Variants in ANKRD27 observed in about 807,000 individuals in gnomAD.
ANKRD27 encodes the protein ankyrin repeat domain-containing protein 27.
ANKRD27 carries 112 observed loss-of-function variants against 129.7 expected under a neutral mutation model. That is an observed-to-expected ratio of 0.86 (90% CI 0.74 to 1.01). The LOEUF (loss-of-function observed/expected upper bound fraction) is 1.01. Ranked by LOEUF, ANKRD27 falls within the 50% of genes least tolerant of loss-of-function variation. The pLI, the probability that ANKRD27 is intolerant of heterozygous loss-of-function variation, is 0.00. For synonymous variants in ANKRD27, 516 were observed against 511.2 expected (o/e 1.01, Z -0.13); for missense variants, 1,258 against 1,300.5 (o/e 0.97, Z 0.50).
intron 17 of ANKRD27, among the ~76,000 whole-genome samples, chr19:32,625,369 G>A (rs974374654): frequency 6.6e-6 from 1 of 152,042 alleles, no homozygotes; most frequent in Non-Finnish European, 1.5e-5. Flanking sequence ...TTCAGGATAA[G>A]ATAATGAGTG....
chr19:32,608,340 TG>T, intron 22 of ANKRD27: 1 of 295,098 alleles, frequency 3.4e-6, no homozygotes, highest in Non-Finnish European at 6.8e-6. Flanking sequence ...TCACCAGGGC[TG>T]TAGAGCCTCC....
At chr19:32,656,018 A>C (rs1349464892) in intron 2 of ANKRD27, among the ~76,000 whole-genome samples, 2 of 141,364 alleles carry the variant, frequency 1.4e-5, no homozygotes, top group Non-Finnish European at 3.0e-5. Flanking sequence ...ACTCTGTTTC[A>C]AAAAAAAAAG....
Position 32,617,523 on chromosome 19 carries a change from G to C in ANKRD27, c.2052+66C>G, listed in dbSNP as rs1378331809. The C allele has an allele frequency of 5.8e-6, 4 of 689,904 alleles. No homozygotes were observed. In the Admixed American group the frequency reaches 9.0e-5, roughly 15 times the overall value. 42.7% of individuals were successfully genotyped at this position (689,904 alleles called of 1,614,324 possible). A position where few individuals can be genotyped will look rare whatever the true frequency, so the allele number is the denominator to read the frequency against. On this transcript the variant is annotated intron_variant, in intron 21 of 28. Transcript: ENST00000306065. ...GATCACGCCACTGCACTCCAGCCTG[G>C]GTGACAGAACAAGACCCTGTCTCTA...
At chr19:32,647,456 T>C (rs1463183506) in intron 3 of ANKRD27, among the ~76,000 whole-genome samples, 1 of 152,246 alleles carries the variant, frequency 6.6e-6, no homozygotes. Context: ...AGGTAGGTTC[T>C]GAGAGGGGGA....
intron 2 of ANKRD27, among the ~76,000 whole-genome samples, chr19:32,656,706 G>A (rs1353724127): frequency 6.6e-6 from 1 of 151,474 alleles, no homozygotes; most frequent in Non-Finnish European, 1.5e-5. Context: ...GACTGCTTGA[G>A]TCTAGAGGTT....
intron 25 of ANKRD27, among the ~76,000 whole-genome samples, chr19:32,603,163 T>C (rs1002780002): frequency 2.0e-5 from 3 of 151,932 alleles, no homozygotes; most frequent in African/African-American, 7.3e-5. Flanking sequence ...CCAGGTGTGG[T>C]GCCACGTGCC....
chr19:32,620,095 C>T (rs891253769), intron 18 of ANKRD27, among the ~76,000 whole-genome samples: 1 of 152,126 alleles, frequency 6.6e-6, no homozygotes, highest in Non-Finnish European at 1.5e-5. Flanking sequence ...TGGCACTGCT[C>T]AGCCCAGTCA....
chr19:32,646,351 G>A (rs555439937), intron 4 of ANKRD27, 108 bp downstream of exon 4: 59 of 1,154,432 alleles, frequency 5.1e-5, no homozygotes, highest in Non-Finnish European at 5.0e-5. Flanking sequence ...TTACAGGCGC[G>A]AGCCACCATA....
chr19:32,615,621 C>G (rs184863610), intron 22 of ANKRD27, 37 bp downstream of exon 22: 1 of 1,614,052 alleles, frequency 6.2e-7, no homozygotes, highest in South Asian at 1.1e-5. Flanking sequence ...AAATTGCCTA[C>G]ATTCCCTGAC....
At position 32,659,052 on chromosome 19, in the gene ANKRD27, T is replaced by C. The variant is rs778535051; in HGVS notation, c.-30-7A>G. On this transcript the variant is annotated splice_polypyrimidine_tract_variant and splice_region_variant and intron_variant, in intron 1 of 28. Coordinates refer to ENST00000306065, the MANE Select transcript of ANKRD27 (RefSeq NM_032139.3). ...ATGGGTCAGAGCAAATCTCCTGCAATAAGGGAGGGAAAAGCAGTGAATAGC... is the reference window on the plus strand; with the variant it reads ...ATGGGTCAGAGCAAATCTCCTGCAACAAGGGAGGGAAAAGCAGTGAATAGC... 11 of 1,486,526 alleles carry C rather than the reference T, an allele frequency of 7.4e-6. No homozygotes were observed. In the East Asian group the frequency reaches 1.6e-4, roughly 21 times the overall value. 92.1% of individuals were successfully genotyped at this position (1,486,526 alleles called of 1,614,324 possible).
intron 27 of ANKRD27, 72 bp downstream of exon 27, chr19:32,599,900 G>A (rs779354273): frequency 5.3e-6 from 8 of 1,513,404 alleles, no homozygotes; most frequent in Non-Finnish European, 7.3e-6. Flanking sequence ...AATTACAATT[G>A]AAGCAGCTTA....
chr19:32,673,705 A>G (rs1342882418), intron 1 of ANKRD27, among the ~76,000 whole-genome samples: 1 of 152,176 alleles, frequency 6.6e-6, no homozygotes, highest in Non-Finnish European at 1.5e-5. Context: ...GGCCAGGAGT[A>G]CCCAAGCCCT....
At chr19:32,615,383 G>A (rs748766445) in intron 22 of ANKRD27, among the ~76,000 whole-genome samples, 7 of 152,114 alleles carry the variant, frequency 4.6e-5, no homozygotes, top group Non-Finnish European at 7.3e-5. Flanking sequence ...CTGGGAGGCC[G>A]AGACCAGTCT....
At chr19:32,605,092 C>T (rs1430641102) in intron 24 of ANKRD27, among the ~76,000 whole-genome samples, 3 of 151,822 alleles carry the variant, frequency 2.0e-5, no homozygotes, top group African/African-American at 4.8e-5. Flanking sequence ...CAATACTTGG[C>T]GAGGCCCCGT....
intron 1 of ANKRD27, among the ~76,000 whole-genome samples, chr19:32,667,012 A>G (rs936490761): frequency 1.1e-4 from 16 of 152,212 alleles, no homozygotes; most frequent in African/African-American, 3.9e-4. Context: ...TGCACCACAG[A>G]GAATGCTAAT....
At chr19:32,616,988 G>A (rs957346346) in intron 21 of ANKRD27, among the ~76,000 whole-genome samples, 2 of 152,088 alleles carry the variant, frequency 1.3e-5, no homozygotes, top group African/African-American at 4.8e-5. Flanking sequence ...TCTGTGCCTC[G>A]GACATGGTCT....
At chr19:32,641,448 TTAAG>T (rs1429884902) in intron 10 of ANKRD27, among the ~76,000 whole-genome samples, 5 of 152,178 alleles carry the variant, frequency 3.3e-5, no homozygotes, top group African/African-American at 1.2e-4. Flanking sequence ...TTTTGAAATT[TTAAG>T]TAATTCATTC....
intron 3 of ANKRD27, among the ~76,000 whole-genome samples, chr19:32,647,178 C>T (rs962979021): frequency 6.6e-6 from 1 of 152,180 alleles, no homozygotes; most frequent in Non-Finnish European, 1.5e-5. Context: ...AACAGTGCCT[C>T]GGTCTTTCTT....
rs1358759211 is a variant in ANKRD27 at position 32,636,761 on chromosome 19, T to G, written c.1116+2595A>C. Among the ~76,000 whole-genome samples the G allele has an allele frequency of 4.6e-5, 7 of 150,596 alleles. No individual in the cohort carries two copies. In the Admixed American group the frequency reaches 4.6e-4, roughly 10 times the overall value. Reference sequence around the variant, plus strand: ...TATATTTTTTATATATATATACACATATTTGAGACAGAGTCTTGCTGTGTT... The same window carrying G: ...TATATTTTTTATATATATATACACAGATTTGAGACAGAGTCTTGCTGTGTT... On this transcript the variant is annotated intron_variant, in intron 12 of 28. Coordinates refer to ENST00000306065, the MANE Select transcript of ANKRD27 (RefSeq NM_032139.3).
Sources: gnomAD v4.1 joint callset for allele counts (sites outside exome capture counted in the v4.1 genomes callset) on GRCh38, gnomAD v4.1.1 for gene constraint, MANE v1.5 for transcripts, NCBI Gene and HGNC (gene_info 2026-07-23, HGNC 2026-07-21) for gene names.